Variants in DSCAM observed in about 807,000 individuals in gnomAD.
DSCAM encodes cell adhesion molecule DSCAM.
In DSCAM, 47 loss-of-function variants were observed where a neutral mutation model predicts 217.7. The observed-to-expected ratio is 0.22, with a 90% confidence interval of 0.17 to 0.28. DSCAM has a LOEUF of 0.28. Ranked by LOEUF, DSCAM falls within the 10% of genes least tolerant of loss-of-function variation. The pLI, the probability that DSCAM is intolerant of heterozygous loss-of-function variation, is 1.00. For synonymous variants in DSCAM, 1,056 were observed against 1,015.3 expected, an observed-to-expected ratio of 1.04 and a Z score of -0.76; for missense variants, 2,080 against 2,618.3, an observed-to-expected ratio of 0.79 and a Z score of 4.49.
intron 3 of DSCAM, among the ~76,000 whole-genome samples, chr21:40,602,806 G>A (rs1465237062): frequency 6.6e-6 from 1 of 151,784 alleles, no homozygotes; most frequent in Non-Finnish European, 1.5e-5. Flanking sequence ...TTCTCTACTG[G>A]TTTCCTGGTC....
chr21:40,268,373 A>G (rs1224106888), intron 11 of DSCAM, among the ~76,000 whole-genome samples: 1 of 152,246 alleles, frequency 6.6e-6, no homozygotes, highest in East Asian at 1.9e-4. Flanking sequence ...CAGTGACCCC[A>G]CAGTCAAGGA....
intron 19 of DSCAM, among the ~76,000 whole-genome samples, chr21:40,126,967 A>T (rs2090100368): frequency 6.6e-6 from 1 of 152,230 alleles, no homozygotes; most frequent in Non-Finnish European, 1.5e-5. Context: ...GGACAACATC[A>T]TAAAGCTTAA....
intron 3 of DSCAM, among the ~76,000 whole-genome samples, chr21:40,542,949 A>T (rs961296297): frequency 6.6e-6 from 1 of 150,548 alleles, no homozygotes; most frequent in East Asian, 2.0e-4. Context: ...CTGGCCCCTC[A>T]CCCGGGCCTC....
At chr21:40,079,041 C>A (rs1024561645) in intron 25 of DSCAM, 64 bp from the exon 26 acceptor site, 1 of 1,558,988 alleles carries the variant, frequency 6.4e-7, no homozygotes, top group Non-Finnish European at 8.7e-7. Flanking sequence ...AGCATCTTCA[C>A]GCATTTCCCT....
chr21:40,655,583 C>T (rs556233140), intron 3 of DSCAM, among the ~76,000 whole-genome samples: 31 of 152,094 alleles, frequency 2.0e-4, no homozygotes, highest in East Asian at 9.7e-4. Context: ...GCTAGGACTA[C>T]AGGTGTGCAC....
intron 1 of DSCAM, among the ~76,000 whole-genome samples, chr21:40,777,575 A>G (rs1381301098): frequency 6.6e-6 from 1 of 152,224 alleles, no homozygotes; most frequent in East Asian, 1.9e-4. Flanking sequence ...CATCATCATC[A>G]TCATTAAGAA....
chr21:40,672,628 G>A (rs1423697132), intron 3 of DSCAM, among the ~76,000 whole-genome samples: 8 of 152,218 alleles, frequency 5.3e-5, no homozygotes, highest in East Asian at 1.9e-4. Flanking sequence ...GACATCCTCC[G>A]CACACACATA....
chr21:40,124,308 C>T lies in DSCAM; in HGVS notation c.3583G>A (p.Val1195Met). The T allele has an allele frequency of 6.2e-7, 1 of 1,614,004 alleles. No individual in the cohort carries two copies. The highest frequency in any genetic ancestry group is 8.5e-7 in the Non-Finnish European group (1 of 1,180,028). The change falls in exon 20 of 33, where the codon GTG (valine) becomes ATG (methionine). Residue 1195 changes from valine to methionine, a missense_variant. Coordinates refer to ENST00000400454, the MANE Select transcript of DSCAM (RefSeq NM_001389.5). Reference sequence around the variant, plus strand: ...GAGGCTGAGGCCGCCGCTGCCTTCACACCCGCGGGAGGACCTGGAACTGGA... The same window carrying T: ...GAGGCTGAGGCCGCCGCTGCCTTCATACCCGCGGGAGGACCTGGAACTGGA... The part of the protein sequence containing the change: ...KEDVPGPPAG[V>M]KAAAASASMV...
intron 16 of DSCAM, among the ~76,000 whole-genome samples, chr21:40,159,803 G>A (rs980228524): frequency 1.3e-4 from 20 of 152,278 alleles, no homozygotes; most frequent in South Asian, 2.1e-4. Flanking sequence ...GGCTGGTCTC[G>A]AACTCGTGAT....
chr21:40,400,110 C>T (rs1446270714), intron 3 of DSCAM, among the ~76,000 whole-genome samples: 1 of 152,152 alleles, frequency 6.6e-6, no homozygotes, highest in East Asian at 1.9e-4. Context: ...GCACCTTCCT[C>T]CCGTGCAGCA....
chr21:40,776,388 G>A lies in DSCAM; in HGVS notation c.44-67617C>T, dbSNP rs80137096. The stretch of plus-strand genomic sequence containing the variant: ...TGATCAGCTGCCCACTTCTATTTGC[G>A]GATGAGACAGATTTAATCAAATAGT... On this transcript the variant is annotated intron_variant, in intron 1 of 32. Transcript: ENST00000400454. 5.6e-4 allele frequency among the ~76,000 whole-genome samples: 85 copies of A among 152,116 alleles called. No homozygotes were observed. The East Asian group carries it at 0.014, about 26-fold the overall frequency.
In DSCAM at chr21:40,115,570, A is replaced by T. The variant is rs143710177; in HGVS notation, c.3696+8625T>A. Among the ~76,000 whole-genome samples the T allele has an allele frequency of 9.1e-3, 1,380 of 152,278 alleles. 5 individuals carry two copies. The highest frequency in any genetic ancestry group is 0.015 in the Non-Finnish European group (1,025 of 68,010). On this transcript the variant is annotated intron_variant, in intron 20 of 32. Coordinates refer to ENST00000400454, the MANE Select transcript of DSCAM (RefSeq NM_001389.5). ...CCTAAAACTTACAGTATAATAATAA[A>T]AAAAAAGAAATGCAAATCAAAACCA... is the stretch of plus-strand genomic sequence containing the variant.
chr21:40,105,707 C>A (rs577277208), intron 20 of DSCAM, among the ~76,000 whole-genome samples: 1 of 152,144 alleles, frequency 6.6e-6, no homozygotes, highest in African/African-American at 2.4e-5. Context: ...AATAGGATAA[C>A]AGGGAAAAAA....
At chr21:40,346,941 TAAC>T (rs1029961370) in intron 6 of DSCAM, among the ~76,000 whole-genome samples, 3 of 152,116 alleles carry the variant, frequency 2.0e-5, no homozygotes, top group African/African-American at 7.2e-5. Context: ...TTTTTGGTTG[TAAC>T]AACTTGGAGG....
intron 3 of DSCAM, among the ~76,000 whole-genome samples, chr21:40,677,143 C>A (rs1568978581): frequency 6.6e-6 from 1 of 151,596 alleles, no homozygotes; most frequent in Non-Finnish European, 1.5e-5. Flanking sequence ...TTATAAAAAC[C>A]CTTTACTTTT....
At chr21:40,498,725 A>ATT in intron 3 of DSCAM, among the ~76,000 whole-genome samples, 1 of 21,912 alleles carries the variant, frequency 4.6e-5, no homozygotes, top group East Asian at 1.3e-3. Context: ...GTATATATAT[A>ATT]TGGGTGTGTG....
chr21:40,017,875 T>A (rs2088192826), intron 32 of DSCAM, among the ~76,000 whole-genome samples: 1 of 152,236 alleles, frequency 6.6e-6, no homozygotes, highest in Admixed American at 6.5e-5. Flanking sequence ...TAGGAAGGAA[T>A]TACATAATTT....
chr21:40,538,888 T>C (rs1473857107), intron 3 of DSCAM, among the ~76,000 whole-genome samples: 1 of 152,194 alleles, frequency 6.6e-6, no homozygotes, highest in African/African-American at 2.4e-5. Flanking sequence ...CCTAGTTCTC[T>C]GGGTTCCGTC....
At chr21:40,267,820 CAGGAGGTGGAGGT>C (rs1010811893) in intron 11 of DSCAM, among the ~76,000 whole-genome samples, 5 of 151,996 alleles carry the variant, frequency 3.3e-5, no homozygotes, top group African/African-American at 1.2e-4. Flanking sequence ...CACTTGAACC[CAGGAGGTGGAGGT>C]TGTAGTGAGC....
Sources: gnomAD v4.1 joint callset for allele counts (sites outside exome capture counted in the v4.1 genomes callset) on GRCh38, gnomAD v4.1.1 for gene constraint, MANE v1.5 for transcripts, NCBI Gene and HGNC (gene_info 2026-07-23, HGNC 2026-07-21) for gene names.